The following CDH15 variants were observed in gnomAD, a reference collection of about 807,000 sequenced individuals.
CDH15 encodes the protein cadherin-15.
CDH15 carries 73 observed loss-of-function variants against 69.4 expected under a neutral mutation model. The observed-to-expected ratio is 1.05, with a 90% confidence interval of 0.87 to 1.28. The LOEUF is 1.28. Ranked by LOEUF, CDH15 falls within the 50% of genes most tolerant of loss-of-function variation. The pLI is 0.00. For missense variants in CDH15, 1,343 were observed against 1,133.6 expected (o/e 1.18, Z -2.65); for synonymous variants, 624 against 507.7 (o/e 1.23, Z -3.08).
In CDH15 at chr16:89,171,892, CG is replaced by C; in HGVS notation, c.42+24del. 1.9e-6 allele frequency: 3 copies of C among 1,547,896 alleles called. No individual in the cohort carries two copies. The highest frequency in any genetic ancestry group is 2.6e-6 in the Non-Finnish European group (3 of 1,149,594). ...GGCCCAGGTAAGGCATCGGCACCTG[CG>C]GGGGTCCCCGCTGCCTCCCTCGACG... On this transcript the variant is annotated intron_variant, in intron 1 of 13. Transcript: ENST00000289746.
At chr16:89,190,206 C>G (rs553636577) in intron 7 of CDH15, 37 bp from the exon 8 acceptor site, 27 of 1,604,536 alleles carry the variant, frequency 1.7e-5, no homozygotes, top group Non-Finnish European at 2.1e-5. Flanking sequence ...CCCACACTTG[C>G]GTTGGGCGGA....
intron 7 of CDH15, among the ~76,000 whole-genome samples, chr16:89,189,293 A>G (rs1250176140): frequency 1.9e-4 from 28 of 145,696 alleles, no homozygotes; most frequent in Non-Finnish European, 3.3e-4. Flanking sequence ...GCACACACAG[A>G]TGCCCACACA....
In CDH15 at chr16:89,190,364, A is replaced by G; in HGVS notation, c.1100A>G (p.Gln367Arg). 1 of 1,612,930 alleles carries G rather than the reference A, an allele frequency of 6.2e-7. No homozygotes were observed. Among genetic ancestry groups the G allele is most frequent in the Non-Finnish European group, 8.5e-7 (1 of 1,179,962 alleles). ...CAGGCCAAGGTCCGCGTGCATGTGC[A>G]GGACACCAACGAGCCCCCCGTGTTC... ...RGQAKVRVHV[Q>R]DTNEPPVFQE... is the part of the protein sequence containing the mutation. The change falls in exon 8 of 14, where the codon CAG becomes CGG. Residue 367 changes from glutamine to arginine, a missense_variant. Coordinates refer to ENST00000289746, the MANE Select transcript of CDH15 (RefSeq NM_004933.3).
At chr16:89,178,969 C>A (rs982071428) in intron 1 of CDH15, among the ~76,000 whole-genome samples, 2 of 152,210 alleles carry the variant, frequency 1.3e-5, no homozygotes, top group African/African-American at 4.8e-5. Flanking sequence ...GGCCCAGGGG[C>A]TTTCCGTGTG....
At chr16:89,187,590 C>A in intron 6 of CDH15, 33 bp downstream of exon 6, 1 of 1,612,456 alleles carries the variant, frequency 6.2e-7, no homozygotes, top group Non-Finnish European at 8.5e-7. Context: ...GAAAGTAGCC[C>A]CTGCTTAGAG....
At chr16:89,176,343 T>C (rs1052848745) in intron 1 of CDH15, among the ~76,000 whole-genome samples, 1 of 151,760 alleles carries the variant, frequency 6.6e-6, no homozygotes, top group African/African-American at 2.4e-5. Context: ...AGCAGGGGCG[T>C]GGTGGTCAGA....
intron 1 of CDH15, among the ~76,000 whole-genome samples, chr16:89,176,194 G>A (rs971795357): frequency 1.3e-5 from 2 of 152,184 alleles, no homozygotes; most frequent in African/African-American, 2.4e-5. Flanking sequence ...GCCCCCAACC[G>A]CTGCCTCCTC....
chr16:89,175,900 G>A (rs1915246421), intron 1 of CDH15, among the ~76,000 whole-genome samples: 1 of 152,242 alleles, frequency 6.6e-6, no homozygotes, highest in South Asian at 2.1e-4. Flanking sequence ...GCTGGCCGAG[G>A]ACCAAGAACC....
chr16:89,194,436 T>C (rs893935101), intron 13 of CDH15, among the ~76,000 whole-genome samples: 1 of 152,198 alleles, frequency 6.6e-6, no homozygotes, highest in Non-Finnish European at 1.5e-5. Context: ...TAGGAGCGTG[T>C]GTCCCCACGA....
chr16:89,185,936 A>G (rs1323066590), intron 5 of CDH15: 1 of 165,436 alleles, frequency 6.0e-6, no homozygotes, highest in African/African-American at 2.5e-5. Flanking sequence ...TCCAGCACAC[A>G]GTAGGTGCTC....
At position 89,171,873 on chromosome 16, in the gene CDH15, G is replaced by C; in HGVS notation, c.42G>C (p.Gln14His). The C allele has an allele frequency of 6.4e-7, 1 of 1,557,630 alleles. No individual in the cohort carries two copies. Among genetic ancestry groups the C allele is most frequent in the Non-Finnish European group, 8.7e-7 (1 of 1,154,674 alleles). Residue 14 changes from glutamine to histidine, a missense_variant and splice_region_variant, in exon 1 of 14, where the codon CAG (glutamine) becomes CAC (histidine). Physicochemically the swap from Gln to His is conservative, Grantham distance 24. Transcript: ENST00000289746. ...AFLLVLGLLA[Q>H]SLCLSLGVPG... ...TCCTCGTCCTCGGGCTGTTGGCCCA[G>C]GTAAGGCATCGGCACCTGCGGGGGT...
At chr16:89,174,914 G>A (rs181817353) in intron 1 of CDH15, among the ~76,000 whole-genome samples, 18 of 152,114 alleles carry the variant, frequency 1.2e-4, no homozygotes, top group Non-Finnish European at 1.6e-4. Flanking sequence ...CGGATGTCCC[G>A]ATCTCCCCAG....
chr16:89,192,135 G>T, intron 10 of CDH15, 70 bp from the exon 11 acceptor site: 4 of 1,466,940 alleles, frequency 2.7e-6, no homozygotes, highest in Non-Finnish European at 3.6e-6. Flanking sequence ...ACCCTGTCTC[G>T]GCGCGAGGAG....
rs887543514 is a variant in CDH15 at position 89,171,792 on chromosome 16, G to A, written c.-40G>A. On this transcript the variant is annotated 5_prime_UTR_variant, in exon 1 of 14. Coordinates refer to ENST00000289746, the MANE Select transcript of CDH15 (RefSeq NM_004933.3). Reference sequence around the variant, plus strand: ...ACTCAGCCTGGACGCGCTTCTTCGGGTCGCGGGTGCACTCCGGCCCGGCTC... The same window carrying A: ...ACTCAGCCTGGACGCGCTTCTTCGGATCGCGGGTGCACTCCGGCCCGGCTC... 8 of 1,542,072 alleles carry A rather than the reference G, an allele frequency of 5.2e-6. No individual in the cohort carries two copies. Among genetic ancestry groups the A allele is most frequent in the Non-Finnish European group, 6.1e-6 (7 of 1,146,908 alleles).
chr16:89,190,126 G>A (rs1364433645), intron 7 of CDH15, 117 bp from the exon 8 acceptor site: 10 of 1,220,576 alleles, frequency 8.2e-6, no homozygotes, highest in East Asian at 2.5e-5. Context: ...TTAAAAAGGG[G>A]CAGAAGGAAA....
At chr16:89,176,828 C>T (rs1915267336) in intron 1 of CDH15, among the ~76,000 whole-genome samples, 1 of 150,128 alleles carries the variant, frequency 6.7e-6, no homozygotes, top group Non-Finnish European at 1.5e-5. Context: ...TGTTTGGGGC[C>T]TGCTCTGCTC....
rs575958759 is a variant in CDH15 at position 89,193,619 on chromosome 16, G to A, written c.1992+13G>A. 4.4e-6 allele frequency: 7 copies of A among 1,578,078 alleles called. No individual in the cohort carries two copies. The highest frequency in any genetic ancestry group is 2.7e-5 in the African/African-American group (2 of 74,520). On this transcript the variant is annotated intron_variant, in intron 12 of 13. Coordinates refer to ENST00000289746, the MANE Select transcript of CDH15 (RefSeq NM_004933.3). ...GGAGGAGGACCAGGTGAGGGGGCAG[G>A]TGTGGGTGGGGAGGGGTCCCCAAGG...
chr16:89,181,596 C>T (rs981213381), intron 3 of CDH15, among the ~76,000 whole-genome samples: 11 of 151,790 alleles, frequency 7.2e-5, no homozygotes, highest in South Asian at 2.1e-4. Context: ...GTGATTGCGC[C>T]GCTGCGCTCC....
chr16:89,172,710 G>C (rs1915182073), intron 1 of CDH15, among the ~76,000 whole-genome samples: 1 of 152,172 alleles, frequency 6.6e-6, no homozygotes, highest in South Asian at 2.1e-4. Flanking sequence ...TCACACCCTA[G>C]GGGGACCTAG....
Sources: gnomAD v4.1 joint callset for allele counts (sites outside exome capture counted in the v4.1 genomes callset) on GRCh38, gnomAD v4.1.1 for gene constraint, MANE v1.5 for transcripts, NCBI Gene and HGNC (gene_info 2026-07-23, HGNC 2026-07-21) for gene names.